The following PTPRD variants were observed in gnomAD, a reference collection of about 807,000 sequenced individuals.
PTPRD encodes the protein protein tyrosine phosphatase receptor type D.
Under a neutral mutation model 214.5 loss-of-function variants are expected in PTPRD, and 34 were observed. The observed-to-expected ratio is 0.16, with a 90% CI of 0.12 to 0.21. The LOEUF (loss-of-function observed/expected upper bound fraction) is 0.21, where lower values mean the gene tolerates loss of function less well. Ranked by LOEUF, PTPRD falls within the 10% of genes least tolerant of loss-of-function variation. PTPRD has a pLI of 1.00. For missense variants in PTPRD, 2,545 were observed against 2,398.7 expected (o/e 1.06, Z -1.27); for synonymous variants, 1,128 against 845.7 (o/e 1.33, Z -5.79).
At chr9:10,479,012 T>C (rs1589096142) in intron 2 of PTPRD, among the ~76,000 whole-genome samples, 1 of 152,176 alleles carries the variant, frequency 6.6e-6, no homozygotes, top group African/African-American at 2.4e-5. Flanking sequence ...TCAAAAACGA[T>C]GAAAACTTTT....
At chr9:9,765,623 T>A (rs1430703288) in intron 6 of PTPRD, among the ~76,000 whole-genome samples, 2 of 152,152 alleles carry the variant, frequency 1.3e-5, no homozygotes, top group Non-Finnish European at 2.9e-5. Flanking sequence ...ACTAACCTTC[T>A]CCCACTACCT....
At chr9:8,678,327 A>G (rs865853094) in intron 12 of PTPRD, among the ~76,000 whole-genome samples, 4 of 152,268 alleles carry the variant, frequency 2.6e-5, no homozygotes, top group Non-Finnish European at 4.4e-5. Context: ...TTTCAAAACC[A>G]CGGTTTTCCA....
chr9:10,007,700 G>A (rs1426530982), intron 4 of PTPRD, among the ~76,000 whole-genome samples: 1 of 151,930 alleles, frequency 6.6e-6, no homozygotes, highest in Non-Finnish European at 1.5e-5. Context: ...TGCACATGAG[G>A]AATGTTTTGG....
chr9:8,545,101 G>T (rs2079663347), intron 14 of PTPRD, among the ~76,000 whole-genome samples: 1 of 151,936 alleles, frequency 6.6e-6, no homozygotes. Context: ...TATCTTGGTT[G>T]TGAGGAAAAA....
chr9:9,263,322 G>C (rs2099980942), intron 9 of PTPRD, among the ~76,000 whole-genome samples: 2 of 151,564 alleles, frequency 1.3e-5, no homozygotes, highest in South Asian at 4.1e-4. Flanking sequence ...TGAGGGAATA[G>C]ACATTGTCTT....
chr9:9,439,902 C>A (rs761461814), intron 8 of PTPRD, among the ~76,000 whole-genome samples: 3 of 152,268 alleles, frequency 2.0e-5, no homozygotes, highest in East Asian at 3.9e-4. Context: ...CAGTGTCTTG[C>A]AGCTGGGAAG....
At chr9:9,339,507 T>C (rs1172749952) in intron 9 of PTPRD, among the ~76,000 whole-genome samples, 1 of 152,084 alleles carries the variant, frequency 6.6e-6, no homozygotes, top group Non-Finnish European at 1.5e-5. Flanking sequence ...TGGAGTTAAG[T>C]TGACGAATAT....
In PTPRD at chr9:8,925,824, C is replaced by T. The variant is rs535210826; in HGVS notation, c.-104+92873G>A. Reference sequence around the variant, plus strand: ...TTAGTTCAAGGAGAACTTAATTCAACGCCTCCTCAATTTGTCAGCTGGACT... The same window carrying T: ...TTAGTTCAAGGAGAACTTAATTCAATGCCTCCTCAATTTGTCAGCTGGACT... On this transcript the variant is annotated intron_variant, in intron 11 of 45. Coordinates refer to ENST00000381196, the MANE Select transcript of PTPRD (RefSeq NM_002839.4). Among the ~76,000 whole-genome samples the T allele has an allele frequency of 8.0e-5, 12 of 150,558 alleles. No individual in the cohort carries two copies. The South Asian group carries it at 1.3e-3, about 16-fold the overall frequency.
chr9:10,207,594 C>T (rs2099490008), intron 3 of PTPRD, among the ~76,000 whole-genome samples: 2 of 151,686 alleles, frequency 1.3e-5, no homozygotes, highest in African/African-American at 4.8e-5. Context: ...AATATTAGCC[C>T]CATTAAAACA....
intron 3 of PTPRD, among the ~76,000 whole-genome samples, chr9:10,037,421 C>G (rs146886004): frequency 1.3e-5 from 2 of 151,996 alleles, no homozygotes; most frequent in Admixed American, 6.6e-5. Flanking sequence ...CCTCCTGTTG[C>G]GGCCATATGA....
chr9:10,186,118 G>T (rs1189305296), intron 3 of PTPRD, among the ~76,000 whole-genome samples: 1 of 151,622 alleles, frequency 6.6e-6, no homozygotes, highest in African/African-American at 2.4e-5. Context: ...CAGTATGAAA[G>T]TAGAGGACTC....
intron 8 of PTPRD, among the ~76,000 whole-genome samples, chr9:9,568,767 G>T (rs1244320354): frequency 6.6e-6 from 1 of 151,762 alleles, no homozygotes; most frequent in Non-Finnish European, 1.5e-5. Flanking sequence ...TTTTGATGGG[G>T]TGATAAGGAT....
chr9:8,781,445 G>A (rs546030840), intron 11 of PTPRD, among the ~76,000 whole-genome samples: 5 of 152,266 alleles, frequency 3.3e-5, no homozygotes, highest in South Asian at 4.1e-4. Flanking sequence ...GGAGACCTGT[G>A]TCCTAGCTGA....
chr9:10,035,972 C>T (rs1592330), intron 3 of PTPRD, among the ~76,000 whole-genome samples: 1 of 152,144 alleles, frequency 6.6e-6, no homozygotes, highest in South Asian at 2.1e-4. Context: ...AGGTGAGTGT[C>T]TAAATCATGG....
chr9:10,601,092 C>T (rs1266913638), intron 2 of PTPRD, among the ~76,000 whole-genome samples: 1 of 151,512 alleles, frequency 6.6e-6, no homozygotes, highest in Non-Finnish European at 1.5e-5. Flanking sequence ...TGATGTCACA[C>T]CAAGATTTTT....
chr9:9,523,363 T>C (rs914065292), intron 8 of PTPRD, among the ~76,000 whole-genome samples: 2 of 152,156 alleles, frequency 1.3e-5, no homozygotes, highest in African/African-American at 4.8e-5. Flanking sequence ...GTCTCCTGTA[T>C]ATTGGAGGGG....
At chr9:9,998,372 G>A (rs1028434586) in intron 4 of PTPRD, among the ~76,000 whole-genome samples, 2 of 151,178 alleles carry the variant, frequency 1.3e-5, no homozygotes, top group Non-Finnish European at 2.9e-5. Flanking sequence ...TCTGGAAATT[G>A]AAGGAAAAAA....
intron 7 of PTPRD, among the ~76,000 whole-genome samples, chr9:9,626,523 T>A (rs2095430982): frequency 6.6e-6 from 1 of 152,096 alleles, no homozygotes; most frequent in Admixed American, 6.6e-5. Flanking sequence ...TTTAGTTGAA[T>A]GATTTGATTA....
At chr9:10,185,079 T>C (rs2099323217) in intron 3 of PTPRD, among the ~76,000 whole-genome samples, 1 of 152,152 alleles carries the variant, frequency 6.6e-6, no homozygotes, top group South Asian at 2.1e-4. Flanking sequence ...TGTAAAAATA[T>C]ATATTTAAAA....
Sources: gnomAD v4.1 joint callset for allele counts (sites outside exome capture counted in the v4.1 genomes callset) on GRCh38, gnomAD v4.1.1 for gene constraint, MANE v1.5 for transcripts, NCBI Gene and HGNC (gene_info 2026-07-23, HGNC 2026-07-21) for gene names.